The following ZNF699 variants were observed in gnomAD, a reference collection of about 807,000 sequenced individuals.
The protein encoded by ZNF699 is hangover homolog.
In ZNF699, 18 loss-of-function variants were observed where a neutral mutation model predicts 22.5. The ratio of observed to expected loss-of-function variants is 0.80; its 90% confidence interval spans 0.55 to 1.19. The LOEUF is 1.19. Ranked by LOEUF, ZNF699 falls within the 50% of genes most tolerant of loss-of-function variation. The pLI is 0.00. For missense variants in ZNF699, 670 were observed against 763.4 expected, an observed-to-expected ratio of 0.88 and a Z score of 1.44; for synonymous variants, 241 against 262.3, an observed-to-expected ratio of 0.92 and a Z score of 0.78.
chr19:9,304,175 G>C (rs370359919), intron 2 of ZNF699, among the ~76,000 whole-genome samples: 5 of 152,086 alleles, frequency 3.3e-5, no homozygotes, highest in African/African-American at 1.2e-4. Context: ...TCTTATGATG[G>C]CCTAGAAAAG....
chr19:9,303,104 C>T (rs2144981365), intron 2 of ZNF699, among the ~76,000 whole-genome samples: 1 of 152,298 alleles, frequency 6.6e-6, no homozygotes, highest in Admixed American at 6.5e-5. Context: ...TTCCTACCCT[C>T]TTACATAGTC....
At chr19:9,305,336 A>G (rs1267874809) in intron 1 of ZNF699, among the ~76,000 whole-genome samples, 1 of 152,016 alleles carries the variant, frequency 6.6e-6, no homozygotes, top group Non-Finnish European at 1.5e-5. Context: ...CTTGTGGGAA[A>G]GTGGAACAAC....
intron 3 of ZNF699, 111 bp downstream of exon 3, chr19:9,302,267 C>G (rs1181859815): frequency 1.5e-6 from 2 of 1,292,022 alleles, no homozygotes; most frequent in African/African-American, 2.9e-5. Context: ...CCATATCTGT[C>G]TTACTTACCA....
chr19:9,305,015 G>C (rs1390748512), intron 2 of ZNF699, 57 bp downstream of exon 2: 2 of 1,451,210 alleles, frequency 1.4e-6, no homozygotes, highest in Non-Finnish European at 1.9e-6. Context: ...CTAAAACACT[G>C]AGGGAGACCT....
Position 9,295,523 on chromosome 19 carries a change from A to G in ZNF699, c.1881T>C (p.Pro627=). 6.2e-7 allele frequency: 1 copy of G among 1,613,606 alleles called. No homozygotes were observed. Among genetic ancestry groups the G allele is most frequent in the Non-Finnish European group, 8.5e-7 (1 of 1,179,740 alleles). ...CKECGKAFVC[P]AYFRRHVKTH... is the part of the protein sequence containing the mutation. ...TTTTCACATGCCTTCGAAAGTAGGC[A>G]GGACAAACAAAGGCTTTCCCACATT... The change falls in exon 6 of 6, where the codon CCT becomes CCC. Residue 627 remains proline, a synonymous_variant. Transcript: ENST00000591998.
At chr19:9,306,260 C>T (rs1303757839) in intron 1 of ZNF699, among the ~76,000 whole-genome samples, 2 of 151,936 alleles carry the variant, frequency 1.3e-5, no homozygotes, top group Non-Finnish European at 2.9e-5. Context: ...GGCGTGGTGG[C>T]GCAAGCCTGT....
At position 9,295,995 on chromosome 19, in the gene ZNF699, G is replaced by C. The variant is rs749127457; in HGVS notation, c.1409C>G (p.Thr470Ser). The change falls in exon 6 of 6, where the codon ACT becomes AGT. Residue 470 changes from threonine to serine, a missense_variant. Thr to Ser is a moderately conservative substitution (Grantham distance 58). Transcript: ENST00000591998. Reference sequence around the variant, plus strand: ...CTTACATTCATACTGTATCTTTCCAGTGTGATCTCTCACATGTGCTCTAAA... The same window carrying C: ...CTTACATTCATACTGTATCTTTCCACTGTGATCTCTCACATGTGCTCTAAA... Reference protein sequence around the residue: ...SSFRAHVRDHTGKIQYECKEC... With the variant: ...SSFRAHVRDHSGKIQYECKEC... 3 of 1,613,918 alleles carry C rather than the reference G, an allele frequency of 1.9e-6. No homozygotes were observed. In the Admixed American group the frequency reaches 5.0e-5, roughly 27 times the overall value.
Position 9,295,873 on chromosome 19 carries a change from C to T in ZNF699, c.1531G>A (p.Ala511Thr). The T allele has an allele frequency of 6.2e-7, 1 of 1,614,088 alleles. No homozygotes were observed. ...KPYECKECGK[A>T]FISSSHLTVH... ...GTAAGGTGGGAGGAACTAATAAAGGCTTTCCCACATTCTTTACATTCATAC... is the reference window on the plus strand; with the variant it reads ...GTAAGGTGGGAGGAACTAATAAAGGTTTTCCCACATTCTTTACATTCATAC... Residue 511 changes from alanine to threonine, a missense_variant, in exon 6 of 6, where the codon GCC becomes ACC. Coordinates refer to ENST00000591998, the MANE Select transcript of ZNF699 (RefSeq NM_198535.3).
Position 9,297,216 on chromosome 19 carries a change from T to C in ZNF699, c.470+80A>G, listed in dbSNP as rs192111821. The C allele has an allele frequency of 1.4e-5, 19 of 1,357,922 alleles. 1 individual carries two copies. The South Asian group carries it at 1.9e-4, about 14-fold the overall frequency. 84.1% of individuals were successfully genotyped at this position (1,357,922 alleles called of 1,614,324 possible). On this transcript the variant is annotated intron_variant, in intron 5 of 5. Coordinates refer to ENST00000591998, the MANE Select transcript of ZNF699 (RefSeq NM_198535.3). The surrounding 1 kb of genome is among the most constrained non-coding windows in gnomAD (Gnocchi z 4.3). ...TCTTTGATCTAGGCTTATTTATATA[T>C]ACATATTTCTTAAATTTCATGACTT... is the stretch of plus-strand genomic sequence containing the variant.
chr19:9,308,525 CG>C (rs1413492657), intron 1 of ZNF699, among the ~76,000 whole-genome samples: 1 of 152,062 alleles, frequency 6.6e-6, no homozygotes, highest in African/African-American at 2.4e-5. Context: ...ACGGTCAGGC[CG>C]GGTGCAGTGG....
At chr19:9,301,499 C>T (rs942803552) in intron 3 of ZNF699, among the ~76,000 whole-genome samples, 9 of 152,276 alleles carry the variant, frequency 5.9e-5, no homozygotes, top group Admixed American at 3.9e-4. Context: ...AAAAAATTTC[C>T]GTTGTTTTTA....
At chr19:9,299,861 T>C (rs1241875763) in intron 3 of ZNF699, among the ~76,000 whole-genome samples, 1 of 121,446 alleles carries the variant, frequency 8.2e-6, no homozygotes, top group Non-Finnish European at 2.0e-5. Flanking sequence ...AACTCAACAA[T>C]GTTTAAAAAA....
rs750812415 is a variant in ZNF699 at position 9,297,888 on chromosome 19, T to C, written c.278A>G (p.His93Arg). 6.2e-6 allele frequency: 10 copies of C among 1,613,048 alleles called. No individual in the cohort carries two copies. The South Asian group carries it at 1.1e-4, about 18-fold the overall frequency. ...ELIQGIFMGEHREGFETQLKT... is the reference protein window; with the variant it reads ...ELIQGIFMGERREGFETQLKT... ...CTCCCAAGGGTTCTTGCCTTCCCGGTGCTCTCCCATAAAGATGCCCTGGAT... is the reference window on the plus strand; with the variant it reads ...CTCCCAAGGGTTCTTGCCTTCCCGGCGCTCTCCCATAAAGATGCCCTGGAT... The change falls in exon 4 of 6, where the codon CAC (histidine) becomes CGC (arginine). Residue 93 changes from histidine (H) to arginine (R), a missense_variant. Coordinates refer to ENST00000591998, the MANE Select transcript of ZNF699 (RefSeq NM_198535.3). This position sits in a 1 kb window ranked among gnomAD's most constrained non-coding sequence, Gnocchi z 4.3.
In ZNF699 at chr19:9,297,794, C is replaced by A; in HGVS notation, c.286+86G>T. 2.0e-6 allele frequency: 2 copies of A among 1,013,052 alleles called. No homozygotes were observed. Among genetic ancestry groups the A allele is most frequent in the South Asian group, 2.8e-5 (2 of 71,774 alleles). 62.8% of individuals were successfully genotyped at this position (1,013,052 alleles called of 1,614,324 possible). ...GAGCTATCTGTGGAAGATGAGCTTC[C>A]TCATATAAAACAAAGTTTGTTTTTG... On this transcript the variant is annotated intron_variant, in intron 4 of 5. Transcript: ENST00000591998. This position sits in a 1 kb window ranked among gnomAD's most constrained non-coding sequence, Gnocchi z 4.3.
At position 9,291,407 on chromosome 19, in the gene ZNF699, A is replaced by G. The variant is rs191301150; in HGVS notation, c.*4068T>C. Reference sequence around the variant, plus strand: ...ATTTCCAAAAATATTACAAAGCAACATAAATTAAGATAGTATGGTATTGAT... The same window carrying G: ...ATTTCCAAAAATATTACAAAGCAACGTAAATTAAGATAGTATGGTATTGAT... On this transcript the variant is annotated 3_prime_UTR_variant, in exon 6 of 6. Transcript: ENST00000591998. The G allele has an allele frequency of 6.6e-6, 1 of 152,204 alleles. No individual in the cohort carries two copies. The highest frequency in any genetic ancestry group is 2.4e-5 in the African/African-American group (1 of 41,456). 9.4% of individuals were successfully genotyped at this position (152,204 alleles called of 1,614,324 possible).
chr19:9,293,035 C>G lies in ZNF699; in HGVS notation c.*2440G>C, dbSNP rs1030917078. Reference sequence around the variant, plus strand: ...CCTGTAATCCCAGCTACTCAGGAGGCTGAGACAGGAGAATCACTTGAACCC... The same window carrying G: ...CCTGTAATCCCAGCTACTCAGGAGGGTGAGACAGGAGAATCACTTGAACCC... On this transcript the variant is annotated 3_prime_UTR_variant, in exon 6 of 6. Coordinates refer to ENST00000591998, the MANE Select transcript of ZNF699 (RefSeq NM_198535.3). Among the ~76,000 whole-genome samples the G allele has an allele frequency of 3.3e-5, 5 of 150,678 alleles. No homozygotes were observed. Among genetic ancestry groups the G allele is most frequent in the African/African-American group, 1.2e-4 (5 of 40,854 alleles).
At chr19:9,309,050 G>A (rs1333899854) in intron 1 of ZNF699, among the ~76,000 whole-genome samples, 1 of 152,032 alleles carries the variant, frequency 6.6e-6, no homozygotes, top group Non-Finnish European at 1.5e-5. Context: ...CTGTTGCCCA[G>A]GCTGGAGTGC....
In ZNF699 at chr19:9,297,290, A is replaced by G; in HGVS notation, c.470+6T>C. ...GCACTTTCTCTTTCTCACGAATGGC[A>G]CTCACCTCAAATGTCTCTCATGGCT... On this transcript the variant is annotated splice_donor_region_variant and intron_variant, in intron 5 of 5. Transcript: ENST00000591998. This position sits in a 1 kb window ranked among gnomAD's most constrained non-coding sequence, Gnocchi z 4.3. 1 of 1,575,706 alleles carries G rather than the reference A, an allele frequency of 6.3e-7. No individual in the cohort carries two copies. The highest frequency in any genetic ancestry group is 1.2e-5 in the South Asian group (1 of 82,386).
At chr19:9,298,826 T>G (rs1416818069) in intron 3 of ZNF699, among the ~76,000 whole-genome samples, 1 of 152,162 alleles carries the variant, frequency 6.6e-6, no homozygotes, top group African/African-American at 2.4e-5. Context: ...CCTCAAAATT[T>G]ATGTTCAAAT....
Sources: allele counts gnomAD v4.1 joint callset (sites outside exome capture counted in the v4.1 genomes callset), GRCh38; gene constraint gnomAD v4.1.1; non-coding constraint Gnocchi (gnomAD v3.1); transcripts MANE v1.5; gene names NCBI Gene and HGNC (gene_info 2026-07-23, HGNC 2026-07-21).